The following L3MBTL4 variants were observed in gnomAD, a reference collection of about 807,000 sequenced individuals.
The protein encoded by L3MBTL4 is lethal(3)malignant brain tumor-like protein 4.
Under a neutral mutation model 84.5 loss-of-function variants are expected in L3MBTL4, and 70 were observed. That is an observed-to-expected ratio of 0.83 (90% CI 0.68 to 1.01). The LOEUF is 1.01. L3MBTL4 is among the 50% of genes least tolerant of loss of function. The probability of loss-of-function intolerance (pLI) is 0.00; values close to 1 mark genes in which losing one functional copy is unlikely to be tolerated. For missense variants in L3MBTL4, 715 were observed against 754.8 expected (o/e 0.95, Z 0.62); for synonymous variants, 274 against 259.8 (o/e 1.05, Z -0.52).
At chr18:5,965,382 C>G (rs751429151) in intron 17 of L3MBTL4, among the ~76,000 whole-genome samples, 24 of 152,338 alleles carry the variant, frequency 1.6e-4, no homozygotes, top group South Asian at 1.4e-3. Flanking sequence ...TTTCACTTAA[C>G]CTTCTGCTGC....
intron 4 of L3MBTL4, among the ~76,000 whole-genome samples, chr18:6,278,772 A>C (rs2049196526): frequency 6.6e-6 from 1 of 152,032 alleles, no homozygotes; most frequent in Admixed American, 6.6e-5. Flanking sequence ...GCCCTGTGAT[A>C]ATCTTTAGTT....
In L3MBTL4 at chr18:5,956,185, A is replaced by G; in HGVS notation, c.*35T>C. ...TCCACTTTTATTGCTGAAAGAGCGCAGGTCTTGGTGCCAGAGGAAGTTCAG... is the reference window on the plus strand; with the variant it reads ...TCCACTTTTATTGCTGAAAGAGCGCGGGTCTTGGTGCCAGAGGAAGTTCAG... On this transcript the variant is annotated 3_prime_UTR_variant, in exon 19 of 19. Coordinates refer to ENST00000317931, the MANE Select transcript of L3MBTL4 (RefSeq NM_001330559.2). 1.3e-6 allele frequency: 2 copies of G among 1,577,478 alleles called. No individual in the cohort carries two copies. The highest frequency in any genetic ancestry group is 2.7e-5 in the African/African-American group (2 of 74,106).
At chr18:6,301,159 T>A (rs778877092) in intron 4 of L3MBTL4, among the ~76,000 whole-genome samples, 4 of 152,192 alleles carry the variant, frequency 2.6e-5, no homozygotes, top group Non-Finnish European at 4.4e-5. Context: ...TTTAGGTGTT[T>A]CCATTATTTA....
chr18:6,205,269 G>A (rs970040544), intron 12 of L3MBTL4, among the ~76,000 whole-genome samples: 1 of 152,138 alleles, frequency 6.6e-6, no homozygotes, highest in African/African-American at 2.4e-5. Flanking sequence ...GAGTAAAGGT[G>A]GCCTCTAGAA....
intron 14 of L3MBTL4, among the ~76,000 whole-genome samples, chr18:6,123,926 C>T (rs776533204): frequency 6.6e-6 from 1 of 152,104 alleles, no homozygotes; most frequent in East Asian, 1.9e-4. Flanking sequence ...TTGGGATCAA[C>T]GAGTGTGTGA....
At chr18:6,236,468 C>T (rs1440969981) in intron 10 of L3MBTL4, among the ~76,000 whole-genome samples, 2 of 152,142 alleles carry the variant, frequency 1.3e-5, no homozygotes, top group Non-Finnish European at 2.9e-5. Context: ...CACACAACGC[C>T]AAGAGACTTA....
intron 15 of L3MBTL4, among the ~76,000 whole-genome samples, chr18:6,084,701 T>G (rs2058200542): frequency 6.6e-6 from 1 of 152,178 alleles, no homozygotes; most frequent in Non-Finnish European, 1.5e-5. Context: ...AAGGGCAGAT[T>G]CTACACAAAG....
intron 1 of L3MBTL4, among the ~76,000 whole-genome samples, chr18:6,317,281 T>C (rs989039841): frequency 6.6e-6 from 1 of 151,774 alleles, no homozygotes; most frequent in Non-Finnish European, 1.5e-5. Context: ...AGATAAAAAA[T>C]TCAAAAGGTT....
intron 14 of L3MBTL4, among the ~76,000 whole-genome samples, chr18:6,102,765 T>G (rs2058874603): frequency 6.6e-6 from 1 of 152,246 alleles, no homozygotes; most frequent in African/African-American, 2.4e-5. Flanking sequence ...ATCATTTCAT[T>G]AATGTCTGCT....
At chr18:5,990,813 A>G (rs762039334) in intron 16 of L3MBTL4, among the ~76,000 whole-genome samples, 5 of 147,894 alleles carry the variant, frequency 3.4e-5, no homozygotes, top group Non-Finnish European at 7.4e-5. Flanking sequence ...GTGATGGGCT[A>G]CTCTTCAGTC....
intron 14 of L3MBTL4, among the ~76,000 whole-genome samples, chr18:6,125,511 G>A (rs1434780863): frequency 3.9e-5 from 6 of 151,996 alleles, no homozygotes; most frequent in Admixed American, 1.3e-4. Flanking sequence ...TCACTGCAGC[G>A]TCAACCTCCT....
intron 1 of L3MBTL4, among the ~76,000 whole-genome samples, chr18:6,347,528 AAATT>A (rs929656125): frequency 3.3e-5 from 5 of 151,686 alleles, no homozygotes; most frequent in South Asian, 2.1e-4. Flanking sequence ...CAATATTCTA[AAATT>A]AATTAATTAA....
At chr18:6,269,257 C>CGAGACCATCCTAACATGGTGA (rs1381641844) in intron 4 of L3MBTL4, among the ~76,000 whole-genome samples, 1 of 151,890 alleles carries the variant, frequency 6.6e-6, no homozygotes, top group East Asian at 1.9e-4. Flanking sequence ...GTCAGGAGAT[C>CGAGACCATCCTAACATGGTGA]GAGACCATCC....
At chr18:6,197,768 C>T (rs1464792851) in intron 12 of L3MBTL4, among the ~76,000 whole-genome samples, 1 of 152,136 alleles carries the variant, frequency 6.6e-6, no homozygotes, top group Non-Finnish European at 1.5e-5. Flanking sequence ...GTCCTGGTGA[C>T]CCAGACTTCC....
At chr18:6,109,322 C>T (rs545626428) in intron 14 of L3MBTL4, among the ~76,000 whole-genome samples, 11 of 152,118 alleles carry the variant, frequency 7.2e-5, no homozygotes, top group South Asian at 4.2e-4. Flanking sequence ...ATACCATGTG[C>T]GCAGGCATTA....
intron 1 of L3MBTL4, among the ~76,000 whole-genome samples, chr18:6,372,527 C>T (rs959198297): frequency 6.6e-6 from 1 of 152,160 alleles, no homozygotes; most frequent in Non-Finnish European, 1.5e-5. Flanking sequence ...ATTTGCAACT[C>T]TTTATTTCAT....
In L3MBTL4 at chr18:6,282,270, T is replaced by G. The variant is rs547965878; in HGVS notation, c.128-18232A>C. ...AATCTACTGGAGAGGGATCAAATAATCTGATATAATTGCAAACCATACTAA... is the reference window on the plus strand; with the variant it reads ...AATCTACTGGAGAGGGATCAAATAAGCTGATATAATTGCAAACCATACTAA... On this transcript the variant is annotated intron_variant, in intron 4 of 18. Transcript: ENST00000317931. Among the ~76,000 whole-genome samples, 10 of 152,286 alleles carry G rather than the reference T, an allele frequency of 6.6e-5. No individual in the cohort carries two copies. The East Asian group carries it at 1.5e-3, about 24-fold the overall frequency.
chr18:6,382,493 G>C (rs1175193620), intron 1 of L3MBTL4, among the ~76,000 whole-genome samples: 1 of 152,104 alleles, frequency 6.6e-6, no homozygotes, highest in Non-Finnish European at 1.5e-5. Flanking sequence ...TTTGATGTTG[G>C]TGACCTTCAG....
chr18:6,300,049 A>G (rs2050269123), intron 4 of L3MBTL4, among the ~76,000 whole-genome samples: 1 of 145,604 alleles, frequency 6.9e-6, no homozygotes, highest in South Asian at 2.1e-4. Context: ...GTTTTTGTTT[A>G]GTATTTTTTT....
Sources: gnomAD v4.1 joint callset for allele counts (sites outside exome capture counted in the v4.1 genomes callset) on GRCh38, gnomAD v4.1.1 for gene constraint, MANE v1.5 for transcripts, NCBI Gene and HGNC (gene_info 2026-07-23, HGNC 2026-07-21) for gene names.